The following ZNF280D variants were observed in gnomAD, a reference collection of about 807,000 sequenced individuals.
ZNF280D encodes suppressor of hairy wing homolog 4.
In ZNF280D, 39 loss-of-function variants were observed where a neutral mutation model predicts 94.7. The observed-to-expected ratio is 0.41, with a 90% CI of 0.32 to 0.54. The LOEUF (loss-of-function observed/expected upper bound fraction) is 0.54. Ranked by LOEUF, ZNF280D falls within the 20% of genes least tolerant of loss-of-function variation. The pLI, the probability that ZNF280D is intolerant of heterozygous loss-of-function variation, is 0.22. For synonymous variants in ZNF280D, 398 were observed against 377.6 expected, an observed-to-expected ratio of 1.05 and a Z score of -0.63; for missense variants, 1,090 against 1,149.3, an observed-to-expected ratio of 0.95 and a Z score of 0.75.
chr15:56,697,760 TATA>T (rs1306793732), intron 6 of ZNF280D: 1 of 152,136 alleles, frequency 6.6e-6, no homozygotes, highest in Non-Finnish European at 1.5e-5. Context: ...GAGAATATTT[TATA>T]ATATTTATTT....
intron 1 of ZNF280D, among the ~76,000 whole-genome samples, chr15:56,731,685 T>C (rs985388129): frequency 6.6e-6 from 1 of 152,116 alleles, no homozygotes; most frequent in Non-Finnish European, 1.5e-5. Context: ...CTGACACACA[T>C]ACAGCATTTA....
intron 9 of ZNF280D, among the ~76,000 whole-genome samples, chr15:56,684,911 C>T (rs1566979063): frequency 6.6e-6 from 1 of 152,072 alleles, no homozygotes; most frequent in Non-Finnish European, 1.5e-5. Flanking sequence ...AAATTCCCAA[C>T]ACCAAGTTAT....
chr15:56,688,072 T>C (rs1431660069), intron 9 of ZNF280D, among the ~76,000 whole-genome samples: 2 of 152,046 alleles, frequency 1.3e-5, no homozygotes, highest in African/African-American at 4.8e-5. Flanking sequence ...ATACTGGGCA[T>C]GCAAGGGGAG....
intron 1 of ZNF280D, among the ~76,000 whole-genome samples, chr15:56,712,594 CAAAAAAAAAAA>C (rs1171267893): frequency 1.3e-4 from 10 of 76,984 alleles, no homozygotes; most frequent in African/African-American, 4.3e-4. Context: ...ACCCTCATAC[CAAAAAAAAAAA>C]AAAAAAAAAA....
At chr15:56,638,593 G>T (rs72744944) in intron 20 of ZNF280D, among the ~76,000 whole-genome samples, 3,562 of 152,096 alleles carry the variant, frequency 0.023, 72 homozygotes, top group South Asian at 0.053. Context: ...TACTAAGCTT[G>T]ACATTAAAGA....
chr15:56,663,699 G>A (rs967025516), intron 16 of ZNF280D, among the ~76,000 whole-genome samples: 1 of 152,122 alleles, frequency 6.6e-6, no homozygotes, highest in East Asian at 1.9e-4. Context: ...CTTGTATATT[G>A]CAAACTAATT....
chr15:56,650,291 G>C (rs529802749), intron 19 of ZNF280D, among the ~76,000 whole-genome samples: 2 of 152,124 alleles, frequency 1.3e-5, no homozygotes, highest in South Asian at 4.1e-4. Context: ...TAAGTATAAA[G>C]CTCATTAAAT....
At chr15:56,700,214 C>CAT in intron 6 of ZNF280D, 1 of 955,202 alleles carries the variant, frequency 1.0e-6, no homozygotes, top group Non-Finnish European at 1.2e-6. Context: ...TGTATGTGTG[C>CAT]ATATACATAT....
At chr15:56,686,136 A>G (rs956587084) in intron 9 of ZNF280D, among the ~76,000 whole-genome samples, 5 of 152,052 alleles carry the variant, frequency 3.3e-5, no homozygotes, top group African/African-American at 1.2e-4. Flanking sequence ...TACATTCACA[A>G]TACAGTTATT....
At chr15:56,726,672 A>G (rs2058644877) in intron 1 of ZNF280D, among the ~76,000 whole-genome samples, 1 of 152,250 alleles carries the variant, frequency 6.6e-6, no homozygotes, top group Non-Finnish European at 1.5e-5. Flanking sequence ...ATAATACAAC[A>G]GTGAAATAAA....
chr15:56,669,612 G>A (rs2054536334), intron 13 of ZNF280D, among the ~76,000 whole-genome samples: 1 of 149,648 alleles, frequency 6.7e-6, no homozygotes, highest in African/African-American at 2.5e-5. Context: ...AGCCATATGT[G>A]GCTAGTAGCT....
chr15:56,715,560 A>G (rs113528340), intron 1 of ZNF280D, among the ~76,000 whole-genome samples: 125 of 152,170 alleles, frequency 8.2e-4, no homozygotes, highest in Non-Finnish European at 1.5e-3. Context: ...GCATGAGTAG[A>G]GAGTATAATA....
chr15:56,688,959 G>T, intron 9 of ZNF280D, 82 bp downstream of exon 9: 3 of 809,606 alleles, frequency 3.7e-6, no homozygotes, highest in Non-Finnish European at 3.8e-6. Context: ...ATTATTTCTG[G>T]ACAAACCATT....
chr15:56,698,300 A>G (rs574931952), intron 6 of ZNF280D: 3 of 152,324 alleles, frequency 2.0e-5, no homozygotes, highest in South Asian at 2.1e-4. Context: ...TCATTACACA[A>G]TATTTTAAAA....
chr15:56,702,799 T>G (rs1483438774), intron 4 of ZNF280D, among the ~76,000 whole-genome samples: 1 of 151,974 alleles, frequency 6.6e-6, no homozygotes, highest in Non-Finnish European at 1.5e-5. Flanking sequence ...CTCTCTCTGA[T>G]AAAACTGAAT....
chr15:56,719,874 CTACTT>C (rs1265725955), intron 1 of ZNF280D, among the ~76,000 whole-genome samples: 1 of 128,570 alleles, frequency 7.8e-6, no homozygotes, highest in Non-Finnish European at 1.6e-5. Flanking sequence ...TTAATAAAAA[CTACTT>C]TATTGCTAAA....
At position 56,659,371 on chromosome 15, in the gene ZNF280D, A is replaced by G. The variant is rs142670057; in HGVS notation, c.1995-885T>C. On this transcript the variant is annotated intron_variant, in intron 16 of 21. Transcript: ENST00000267807. ...GTGTAAATATCACCTAACAGCTTAC[A>G]GTTGTCCCTCCTCACCACCGTTAAC... is the stretch of plus-strand genomic sequence containing the variant. 4.5e-3 allele frequency among the ~76,000 whole-genome samples: 681 copies of G among 152,132 alleles called. 3 individuals carry two copies. Among genetic ancestry groups the G allele is most frequent in the African/African-American group, 0.016 (661 of 41,498 alleles).
chr15:56,723,203 A>G (rs994972073), intron 1 of ZNF280D, among the ~76,000 whole-genome samples: 5 of 151,284 alleles, frequency 3.3e-5, no homozygotes, highest in Non-Finnish European at 5.9e-5. Flanking sequence ...CAATGTGCAC[A>G]TGTACCCTAA....
At position 56,667,974 on chromosome 15, in the gene ZNF280D, TGA is replaced by T. The variant is rs1434290344; in HGVS notation, c.1545+847_1545+848del. On this transcript the variant is annotated intron_variant, in intron 14 of 21. Transcript: ENST00000267807. The stretch of plus-strand genomic sequence containing the variant: ...TTATTATTATTAATAAGGGAAAAAA[TGA>T]GAGAGGACTGCACTGCTTACATTAG... 97 of 197,440 alleles carry T rather than the reference TGA, an allele frequency of 4.9e-4. No individual in the cohort carries two copies. The South Asian group carries it at 6.3e-3, about 13-fold the overall frequency. The allele number at this position is 197,440 out of a possible 1,614,324, so 12.2% of individuals were successfully genotyped here.
Sources: allele counts gnomAD v4.1 joint callset (sites outside exome capture counted in the v4.1 genomes callset), GRCh38; gene constraint gnomAD v4.1.1; transcripts MANE v1.5; gene names NCBI Gene and HGNC (gene_info 2026-07-23, HGNC 2026-07-21).